NTRK3: variants seen among roughly 807,000 people sequenced by gnomAD.
The protein encoded by NTRK3 is NT-3 growth factor receptor.
Under a neutral mutation model 91.7 loss-of-function variants are expected in NTRK3, and 24 were observed. That is an observed-to-expected ratio of 0.26 (90% CI 0.19 to 0.37). NTRK3 has a LOEUF of 0.37. Among genes scored for constraint, NTRK3 ranks in the 10% least tolerant of loss-of-function variants. The pLI is 1.00. For synonymous variants in NTRK3, 483 were observed against 404.0 expected (o/e 1.20, Z -2.34); for missense variants, 880 against 1,068.9 (o/e 0.82, Z 2.46).
intron 3 of NTRK3, among the ~76,000 whole-genome samples, chr15:88,204,688 G>T (rs2048591590): frequency 1.3e-5 from 2 of 152,154 alleles, no homozygotes; most frequent in Admixed American, 1.3e-4. Flanking sequence ...TTACATAAAG[G>T]TGTGAGAATG....
chr15:87,917,190 G>A (rs541155223), intron 17 of NTRK3, among the ~76,000 whole-genome samples: 1 of 152,134 alleles, frequency 6.6e-6, no homozygotes, highest in Non-Finnish European at 1.5e-5. Context: ...CCTTGTAGCA[G>A]GTAGGATTCT....
intron 3 of NTRK3, among the ~76,000 whole-genome samples, chr15:88,245,974 G>A (rs2052778044): frequency 6.6e-6 from 1 of 152,138 alleles, no homozygotes; most frequent in Non-Finnish European, 1.5e-5. Flanking sequence ...CAGAAATAAG[G>A]AAGTGGGGAA....
At chr15:87,996,781 C>T (rs564668238) in intron 14 of NTRK3, among the ~76,000 whole-genome samples, 2 of 152,230 alleles carry the variant, frequency 1.3e-5, no homozygotes, top group South Asian at 2.1e-4. Context: ...CCAAGAACTG[C>T]GGTATACTCT....
intron 14 of NTRK3, among the ~76,000 whole-genome samples, chr15:87,952,341 G>A (rs989865322): frequency 2.6e-5 from 4 of 152,172 alleles, no homozygotes; most frequent in African/African-American, 9.6e-5. Flanking sequence ...CAGTCTAGTC[G>A]TGAGCTCCTA....
rs148383231 is a variant in NTRK3, at chr15:88,015,868, C to T, written c.1585+16989G>A. Among the ~76,000 whole-genome samples the T allele has an allele frequency of 5.4e-3, 816 of 152,140 alleles. 9 individuals carry two copies. The highest frequency in any genetic ancestry group is 0.019 in the African/African-American group (773 of 41,500). ...AAGGAATGCATCTTGATTGACTGAT[C>T]GCCAGCTCTACAGCGGCTCCAATGT... is the stretch of plus-strand genomic sequence containing the variant. On this transcript the variant is annotated intron_variant, in intron 14 of 18. Coordinates refer to ENST00000394480, the Ensembl canonical transcript of NTRK3.
Position 88,256,347 on chromosome 15 carries a change from C to T in NTRK3, c.-79G>A, listed in dbSNP as rs1318859906. 8 of 632,180 alleles carry T rather than the reference C, an allele frequency of 1.3e-5. No individual in the cohort carries two copies. The African/African-American group carries it at 1.5e-4, about 12-fold the overall frequency. 39.2% of individuals were successfully genotyped at this position (632,180 alleles called of 1,614,324 possible). A position where few individuals can be genotyped will look rare whatever the true frequency, so the allele number is the denominator to read the frequency against. On this transcript the variant is annotated 5_prime_UTR_variant, in exon 2 of 19. Coordinates refer to ENST00000394480, the Ensembl canonical transcript of NTRK3. ...CGTCTGAAACCATCGCGGACGCCGC[C>T]GCCGCCGCCGCCGCCGCCGGGTGGG...
At chr15:87,973,118 T>C (rs554386162) in intron 14 of NTRK3, among the ~76,000 whole-genome samples, 2 of 152,178 alleles carry the variant, frequency 1.3e-5, no homozygotes, top group South Asian at 4.1e-4. Context: ...AAGTCAAGCA[T>C]AATGAGGAGA....
intron 13 of NTRK3, among the ~76,000 whole-genome samples, chr15:88,069,047 G>A (rs2046891632): frequency 6.6e-6 from 1 of 152,138 alleles, no homozygotes; most frequent in Admixed American, 6.6e-5. Context: ...TGTACATGAA[G>A]GTCACCGGCA....
chr15:87,861,160 G>A (rs3803409), exon 19 of NTRK3: 117,653 of 223,094 alleles, frequency 0.53, 33,080 homozygotes, highest in Non-Finnish European at 0.61. Context: ...GCAAACATTG[G>A]GAAACACACA....
chr15:88,244,719 T>G lies in NTRK3; in HGVS notation c.248+11187A>C, dbSNP rs553590165. Among the ~76,000 whole-genome samples the G allele has an allele frequency of 4.6e-4, 70 of 152,284 alleles. 1 individual carries two copies. In the South Asian group the frequency reaches 0.015, roughly 32 times the overall value. Reference sequence around the variant, plus strand: ...AATGTCCATGGGAGGCTCTCATGAGTGGATTGAAAGGATTTTAGGTCATCC... The same window carrying G: ...AATGTCCATGGGAGGCTCTCATGAGGGGATTGAAAGGATTTTAGGTCATCC... On this transcript the variant is annotated intron_variant, in intron 3 of 18. Transcript: ENST00000394480.
chr15:87,980,776 G>A (rs1255406372), intron 14 of NTRK3, among the ~76,000 whole-genome samples: 1 of 152,202 alleles, frequency 6.6e-6, no homozygotes, highest in African/African-American at 2.4e-5. Flanking sequence ...TCTGAAGGAG[G>A]TGGGGTCAGA....
At chr15:87,890,009 T>C (rs1258757939) in intron 17 of NTRK3, among the ~76,000 whole-genome samples, 1 of 151,582 alleles carries the variant, frequency 6.6e-6, no homozygotes, top group African/African-American at 2.4e-5. Flanking sequence ...CCGGGTCACT[T>C]GTCCCAAAAA....
chr15:88,053,545 G>A (rs970057741), intron 13 of NTRK3, among the ~76,000 whole-genome samples: 8 of 152,230 alleles, frequency 5.3e-5, no homozygotes, highest in Admixed American at 1.3e-4. Context: ...TGAGGCCATA[G>A]GTACGTTGGT....
At chr15:87,981,387 A>G (rs1346589868) in intron 14 of NTRK3, 3 of 1,614,008 alleles carry the variant, frequency 1.9e-6, no homozygotes, top group Non-Finnish European at 2.5e-6. Context: ...ACATGGGGGA[A>G]TTAATGGTCA....
chr15:87,898,833 A>AT (rs2066284650), intron 17 of NTRK3, among the ~76,000 whole-genome samples: 2 of 151,114 alleles, frequency 1.3e-5, no homozygotes, highest in Non-Finnish European at 1.5e-5. Flanking sequence ...TAAAAAAAAA[A>AT]AAAAAAAAAA....
chr15:88,171,648 C>A (rs1169568202), intron 5 of NTRK3, among the ~76,000 whole-genome samples: 1 of 152,150 alleles, frequency 6.6e-6, no homozygotes, highest in Non-Finnish European at 1.5e-5. Flanking sequence ...TCACCCAAAG[C>A]CCTGCAGGGT....
chr15:88,230,110 C>T (rs1228118917), intron 3 of NTRK3, among the ~76,000 whole-genome samples: 8 of 152,200 alleles, frequency 5.3e-5, no homozygotes, highest in Non-Finnish European at 5.9e-5. Context: ...GTTCCATTGT[C>T]TCAGTTTCTT....
intron 13 of NTRK3, among the ~76,000 whole-genome samples, chr15:88,042,722 A>G (rs915554656): frequency 6.6e-6 from 1 of 152,176 alleles, no homozygotes; most frequent in Non-Finnish European, 1.5e-5. Context: ...CAGGATGGGT[A>G]TTTGGACTCA....
chr15:88,032,142 C>A (rs2078594586), intron 14 of NTRK3, among the ~76,000 whole-genome samples: 1 of 152,002 alleles, frequency 6.6e-6, no homozygotes. Flanking sequence ...CCAGATTGAA[C>A]CTGGGCACAC....
Sources: allele counts gnomAD v4.1 joint callset (sites outside exome capture counted in the v4.1 genomes callset), GRCh38; gene constraint gnomAD v4.1.1; transcripts MANE v1.5; gene names NCBI Gene and HGNC (gene_info 2026-07-23, HGNC 2026-07-21).